Variants in EDEM3 observed in about 807,000 individuals in gnomAD.
EDEM3 encodes ER degradation enhancing alpha-mannosidase like protein 3, also known as ER degradation-enhancing alpha-mannosidase-like protein 3.
In EDEM3, 60 loss-of-function variants were observed where a neutral mutation model predicts 110.2. The observed-to-expected ratio is 0.54, with a 90% confidence interval of 0.44 to 0.67. EDEM3 has a LOEUF of 0.67. Among genes scored for constraint, EDEM3 ranks in the 30% least tolerant of loss-of-function variants. EDEM3 has a pLI of 0.00. For synonymous variants in EDEM3, 352 were observed against 382.9 expected (o/e 0.92, Z 0.94); for missense variants, 996 against 1,121.0 (o/e 0.89, Z 1.59).
chr1:184,719,254 CA>C lies in EDEM3; in HGVS notation c.1078-10del. 1.3e-6 allele frequency: 2 copies of C among 1,545,784 alleles called. No individual in the cohort carries two copies. Among genetic ancestry groups the C allele is most frequent in the Non-Finnish European group, 1.7e-6 (2 of 1,149,520 alleles). ...ATATCCCCCTTTAACACCTAGAAAT[CA>C]ACAACAATAAAATTACCTAATAAAA... On this transcript the variant is annotated splice_polypyrimidine_tract_variant and intron_variant, in intron 10 of 19. Transcript: ENST00000318130.
At chr1:184,734,211 G>A (rs544075961) in intron 5 of EDEM3, among the ~76,000 whole-genome samples, 21 of 134,290 alleles carry the variant, frequency 1.6e-4, no homozygotes, top group Admixed American at 1.3e-3. Flanking sequence ...GCTCACGCCT[G>A]TAATCCCAGC....
chr1:184,699,884 AT>A, intron 19 of EDEM3, among the ~76,000 whole-genome samples: 1 of 152,024 alleles, frequency 6.6e-6, no homozygotes, highest in East Asian at 1.9e-4. Flanking sequence ...GACAAATACT[AT>A]TGAAAAAAGG....
intron 2 of EDEM3, among the ~76,000 whole-genome samples, chr1:184,741,055 A>G (rs533837310): frequency 2.8e-4 from 42 of 152,340 alleles, no homozygotes; most frequent in African/African-American, 1.0e-3. Flanking sequence ...AGAAGGCAGC[A>G]AAGAAAGCAC....
chr1:184,754,593 T>C lies in EDEM3; in HGVS notation c.54A>G (p.Arg18=), dbSNP rs761346445. 84 of 1,610,882 alleles carry C rather than the reference T, an allele frequency of 5.2e-5. No homozygotes were observed. The highest frequency in any genetic ancestry group is 3.6e-4 in the African/African-American group (27 of 74,822). The part of the protein sequence containing the change: ...GCGSPVPQRA[R]WRLVAATAAF... The stretch of plus-strand genomic sequence containing the variant: ...CGGCCGTCGCCGCCACTAGTCTCCA[T>C]CGCGCTCGCTGGGGAACCGGGGACC... Residue 18 remains arginine, a synonymous_variant, in exon 1 of 20, where the codon CGA becomes CGG. Transcript: ENST00000318130.
intron 15 of EDEM3, among the ~76,000 whole-genome samples, chr1:184,711,470 CTAT>C (rs1385217466): frequency 1.3e-5 from 2 of 152,076 alleles, no homozygotes; most frequent in Admixed American, 1.3e-4. Context: ...ATGCTGCCCA[CTAT>C]TATTACCTTA....
Position 184,754,746 on chromosome 1 carries a change from G to A in EDEM3, c.-100C>T. The A allele has an allele frequency of 1.4e-6, 2 of 1,415,608 alleles. No homozygotes were observed. Among genetic ancestry groups the A allele is most frequent in the Non-Finnish European group, 9.2e-7 (1 of 1,091,274 alleles). The allele number at this position is 1,415,608 out of a possible 1,614,324, so 87.7% of individuals were successfully genotyped here. A position where few individuals can be genotyped will look rare whatever the true frequency, so the allele number is the denominator to read the frequency against. On this transcript the variant is annotated 5_prime_UTR_variant, in exon 1 of 20. Coordinates refer to ENST00000318130, the MANE Select transcript of EDEM3 (RefSeq NM_025191.4). ...GGGCTGCTAGCCGTGCCGAGACGGG[G>A]CGGGATGCGGAGTAACACGGACGGC...
At chr1:184,712,409 A>G (rs770061942) in intron 14 of EDEM3, 24 bp downstream of exon 14, 1 of 1,568,530 alleles carries the variant, frequency 6.4e-7, no homozygotes, top group East Asian at 2.3e-5. Context: ...AAAAGAGAAT[A>G]AGACATTTCA....
intron 11 of EDEM3, 24 bp from the exon 12 acceptor site, chr1:184,717,647 G>A: frequency 2.6e-6 from 4 of 1,559,628 alleles, no homozygotes; most frequent in South Asian, 1.2e-5. Context: ...CATACAAAAG[G>A]CATAAAAAAT....
chr1:184,692,201 A>T lies in EDEM3; in HGVS notation c.*1862T>A, dbSNP rs1041084962. ...CTTCAACTATTTTGGCAGCTTTGCA[A>T]TTAAAATGAACAAAGCACTATATCT... On this transcript the variant is annotated 3_prime_UTR_variant, in exon 20 of 20. Transcript: ENST00000318130. 1.4e-4 allele frequency: 22 copies of T among 152,142 alleles called. No individual in the cohort carries two copies. The highest frequency in any genetic ancestry group is 5.3e-4 in the African/African-American group (22 of 41,458). 9.4% of individuals were successfully genotyped at this position (152,142 alleles called of 1,614,324 possible). A position where few individuals can be genotyped will look rare whatever the true frequency, so the allele number is the denominator to read the frequency against.
At chr1:184,750,067 A>ATGTC (rs1652672107) in intron 1 of EDEM3, among the ~76,000 whole-genome samples, 1 of 152,230 alleles carries the variant, frequency 6.6e-6, no homozygotes, top group Non-Finnish European at 1.5e-5. Flanking sequence ...ATGAAATAAC[A>ATGTC]ACGCTTTATG....
chr1:184,702,106 T>C (rs1427303795), intron 19 of EDEM3, among the ~76,000 whole-genome samples: 1 of 152,152 alleles, frequency 6.6e-6, no homozygotes, highest in Non-Finnish European at 1.5e-5. Flanking sequence ...AGGCTCACAT[T>C]CCCTCATTTC....
chr1:184,700,257 T>C (rs1326292559), intron 19 of EDEM3, among the ~76,000 whole-genome samples: 1 of 151,962 alleles, frequency 6.6e-6, no homozygotes, highest in South Asian at 2.1e-4. Flanking sequence ...GAGTGAAGGC[T>C]TTTTAAGGGC....
At chr1:184,697,465 A>G (rs2102054901) in intron 19 of EDEM3, among the ~76,000 whole-genome samples, 1 of 152,016 alleles carries the variant, frequency 6.6e-6, no homozygotes, top group South Asian at 2.1e-4. Context: ...ATCAGATAAT[A>G]AAATATACTC....
intron 6 of EDEM3, among the ~76,000 whole-genome samples, chr1:184,728,967 C>A (rs1028190483): frequency 1.3e-5 from 2 of 152,096 alleles, no homozygotes; most frequent in Non-Finnish European, 2.9e-5. Context: ...AGAGGCACTA[C>A]CATTTCCACA....
At chr1:184,751,638 T>G (rs1034737400) in intron 1 of EDEM3, among the ~76,000 whole-genome samples, 2 of 152,156 alleles carry the variant, frequency 1.3e-5, no homozygotes, top group Non-Finnish European at 2.9e-5. Flanking sequence ...ATTACTATAC[T>G]GAACAGAAAA....
intron 19 of EDEM3, among the ~76,000 whole-genome samples, chr1:184,695,309 A>G (rs985938061): frequency 6.6e-5 from 10 of 152,052 alleles, no homozygotes; most frequent in Admixed American, 4.6e-4. Context: ...GAGGAGCAAT[A>G]CCAAATGCTA....
At position 184,693,032 on chromosome 1, in the gene EDEM3, T is replaced by C. The variant is rs1649132929; in HGVS notation, c.*1031A>G. The C allele has an allele frequency of 6.5e-6, 1 of 154,740 alleles. No homozygotes were observed. Among genetic ancestry groups the C allele is most frequent in the Non-Finnish European group, 1.5e-5 (1 of 68,188 alleles). 9.6% of individuals were successfully genotyped at this position (154,740 alleles called of 1,614,324 possible). A position where few individuals can be genotyped will look rare whatever the true frequency, so the allele number is the denominator to read the frequency against. Reference sequence around the variant, plus strand: ...CAGTAGTTACTCCAGGAATTTTAACTCACTAACCACAGTTCTATCATGGCT... The same window carrying C: ...CAGTAGTTACTCCAGGAATTTTAACCCACTAACCACAGTTCTATCATGGCT... On this transcript the variant is annotated 3_prime_UTR_variant, in exon 20 of 20. Transcript: ENST00000318130.
chr1:184,711,038 T>C (rs1650198074), intron 15 of EDEM3, among the ~76,000 whole-genome samples: 1 of 152,060 alleles, frequency 6.6e-6, no homozygotes, highest in African/African-American at 2.4e-5. Context: ...CCTCAAAAAA[T>C]CAAATCCAAA....
rs1284473283 is a variant in EDEM3 at position 184,708,357 on chromosome 1, C to A, written c.1846-13G>T. ...TTGAACTAGCAGCCTATGAAAAAAA[C>A]AAATTCATTTTATCCTTCCTTTCTG... On this transcript the variant is annotated splice_polypyrimidine_tract_variant and intron_variant, in intron 16 of 19. Coordinates refer to ENST00000318130, the MANE Select transcript of EDEM3 (RefSeq NM_025191.4). 1 of 1,608,192 alleles carries A rather than the reference C, an allele frequency of 6.2e-7. No individual in the cohort carries two copies. Among genetic ancestry groups the A allele is most frequent in the Admixed American group, 1.7e-5 (1 of 58,294 alleles).
Sources: allele counts gnomAD v4.1 joint callset (sites outside exome capture counted in the v4.1 genomes callset), GRCh38; gene constraint gnomAD v4.1.1; transcripts MANE v1.5; gene names NCBI Gene and HGNC (gene_info 2026-07-23, HGNC 2026-07-21).